The following KCNQ2 variants were observed in gnomAD, a reference collection of about 807,000 sequenced individuals.
KCNQ2 encodes potassium voltage-gated channel subfamily Q member 2, also known as potassium voltage-gated channel subfamily KQT member 2.
Under a neutral mutation model 84.8 loss-of-function variants are expected in KCNQ2, and 14 were observed. That is an observed-to-expected ratio of 0.17 (90% CI 0.11 to 0.26). KCNQ2 has a LOEUF of 0.26. Among genes scored for constraint, KCNQ2 ranks in the 10% least tolerant of loss-of-function variants. KCNQ2 has a pLI of 1.00. For synonymous variants in KCNQ2, 599 were observed against 554.1 expected, an observed-to-expected ratio of 1.08 and a Z score of -1.14; for missense variants, 788 against 1,254.0, an observed-to-expected ratio of 0.63 and a Z score of 5.61.
chr20:63,419,336 GCA>G (rs2145585913), intron 12 of KCNQ2, among the ~76,000 whole-genome samples: 1 of 152,330 alleles, frequency 6.6e-6, no homozygotes, highest in East Asian at 1.9e-4. Flanking sequence ...ACCCCAGGAG[GCA>G]CGGACGCCTT....
In KCNQ2 at chr20:63,438,813, C is replaced by A; in HGVS notation, c.928-93G>T. The A allele has an allele frequency of 1.1e-6, 1 of 947,514 alleles. No homozygotes were observed. Among genetic ancestry groups the A allele is most frequent in the Admixed American group, 1.9e-5 (1 of 52,534 alleles). 58.7% of individuals were successfully genotyped at this position (947,514 alleles called of 1,614,324 possible). On this transcript the variant is annotated intron_variant, in intron 6 of 16. Transcript: ENST00000359125. The surrounding 1 kb of genome is among the most constrained non-coding windows in gnomAD (Gnocchi z 5.1). ...ATGCTCTGGGGCCCCACACCCCCCC[C>A]AATTCATCAGGGTCAGACCACACTC...
At chr20:63,439,157 C>T (rs2081087232) in intron 6 of KCNQ2, among the ~76,000 whole-genome samples, 1 of 152,122 alleles carries the variant, frequency 6.6e-6, no homozygotes, top group African/African-American at 2.4e-5. Flanking sequence ...TTGCCGTGCA[C>T]CAGCTGCCCT....
chr20:63,428,134 G>A (rs1192633073), intron 10 of KCNQ2, among the ~76,000 whole-genome samples: 2 of 151,960 alleles, frequency 1.3e-5, no homozygotes, highest in African/African-American at 4.8e-5. Flanking sequence ...ATCAACCTTC[G>A]CCCCTCCCTC....
At chr20:63,439,799 G>T in intron 5 of KCNQ2, 91 bp from the exon 6 acceptor site, 1 of 958,720 alleles carries the variant, frequency 1.0e-6, no homozygotes, top group East Asian at 2.5e-5. Context: ...GGCTTGGGAT[G>T]GGACAGATGC....
intron 5 of KCNQ2, among the ~76,000 whole-genome samples, chr20:63,441,672 G>A (rs556766802): frequency 2.0e-5 from 3 of 152,164 alleles, no homozygotes; most frequent in Admixed American, 6.5e-5. Context: ...GTGAGTCCAG[G>A]TCATCTGTAT....
intron 11 of KCNQ2, among the ~76,000 whole-genome samples, chr20:63,420,048 A>C (rs560633235): frequency 7.2e-5 from 11 of 152,360 alleles, no homozygotes; most frequent in African/African-American, 2.2e-4. Context: ...GACCCCGGGA[A>C]AGGGCGTGGG....
rs2079984980 is a variant in KCNQ2, at chr20:63,407,476, G to A, written c.1888-101C>T. 2 of 1,298,208 alleles carry A rather than the reference G, an allele frequency of 1.5e-6. No individual in the cohort carries two copies. Among genetic ancestry groups the A allele is most frequent in the Non-Finnish European group, 2.1e-6 (2 of 938,364 alleles). 80.4% of individuals were successfully genotyped at this position (1,298,208 alleles called of 1,614,324 possible). On this transcript the variant is annotated intron_variant, in intron 16 of 16. Coordinates refer to ENST00000359125, the MANE Select transcript of KCNQ2 (RefSeq NM_172107.4). The surrounding 1 kb of genome is among the most constrained non-coding windows in gnomAD (Gnocchi z 7.2). Reference sequence around the variant, plus strand: ...ATGGGGGGGCCCAGGCTGGTTCCAGGAAACAGGAGAGACCCAGGCTAGTCC... The same window carrying A: ...ATGGGGGGGCCCAGGCTGGTTCCAGAAAACAGGAGAGACCCAGGCTAGTCC...
Position 63,439,579 on chromosome 20 carries a change from C to A in KCNQ2, c.927+19G>T. 1 of 1,574,294 alleles carries A rather than the reference C, an allele frequency of 6.4e-7. No individual in the cohort carries two copies. The highest frequency in any genetic ancestry group is 8.7e-7 in the Non-Finnish European group (1 of 1,144,510). ...AGACCTCGTCCCCCTCCAAGGCAGG[C>A]AGGGGCAGCTGGACTTACTGCAGGC... is the stretch of plus-strand genomic sequence containing the variant. On this transcript the variant is annotated intron_variant, in intron 6 of 16. Transcript: ENST00000359125.
chr20:63,409,749 G>T (rs990436659), intron 15 of KCNQ2, among the ~76,000 whole-genome samples: 5 of 151,200 alleles, frequency 3.3e-5, no homozygotes, highest in Non-Finnish European at 7.4e-5. Context: ...CTGATGGTGG[G>T]GGAGGGACTT....
intron 12 of KCNQ2, among the ~76,000 whole-genome samples, chr20:63,416,426 T>C (rs1043006716): frequency 1.6e-4 from 25 of 152,276 alleles, no homozygotes; most frequent in African/African-American, 5.3e-4. Context: ...CAGGCAGATG[T>C]GGCCTCCTGA....
intron 1 of KCNQ2, among the ~76,000 whole-genome samples, chr20:63,467,135 G>GT (rs1248355886): frequency 6.6e-6 from 1 of 151,690 alleles, no homozygotes; most frequent in East Asian, 1.9e-4. Flanking sequence ...CCAGCCTCCC[G>GT]TCAAACCTCA....
rs201701585 is a variant in KCNQ2, at chr20:63,407,198, T to G, written c.2065A>C (p.Ile689Leu). 1,752 of 1,606,336 alleles carry G rather than the reference T, an allele frequency of 1.1e-3. 30 individuals are homozygous for G. In the South Asian group the frequency reaches 0.014, roughly 13 times the overall value. The change falls in exon 17 of 17, where the codon ATC (isoleucine) becomes CTC (leucine). Residue 689 changes from isoleucine to leucine, a missense_variant. Ile to Leu is a conservative substitution (Grantham distance 5). Coordinates refer to ENST00000359125, the MANE Select transcript of KCNQ2 (RefSeq NM_172107.4). The surrounding 1 kb of genome is among the most constrained non-coding windows in gnomAD (Gnocchi z 7.2). ...HVDRHGCIVK[I>L]VRSSSSTGQK... ...CCCGTGGAGCTGCTGGAGCGCACGA[T>G]CTTGACAATGCAGCCGTGCCTGTCG...
At chr20:63,454,434 G>A (rs752117353) in intron 1 of KCNQ2, among the ~76,000 whole-genome samples, 4 of 152,244 alleles carry the variant, frequency 2.6e-5, no homozygotes, top group African/African-American at 7.2e-5. Flanking sequence ...CTTGGAGGAG[G>A]GAGGAGGCGG....
chr20:63,443,475 T>C (rs904135598), intron 4 of KCNQ2, among the ~76,000 whole-genome samples: 28 of 16,212 alleles, frequency 1.7e-3, no homozygotes, highest in Admixed American at 2.3e-3. Context: ...ATCACCACCA[T>C]CATCACCACC....
chr20:63,455,784 A>G (rs113039330), intron 1 of KCNQ2, among the ~76,000 whole-genome samples: 102 of 121,102 alleles, frequency 8.4e-4, no homozygotes, highest in East Asian at 1.7e-3. Context: ...CCTCCGGGAG[A>G]CCCCTGTGCT....
Position 63,406,566 on chromosome 20 carries a change from C to T in KCNQ2, c.*78G>A. On this transcript the variant is annotated 3_prime_UTR_variant, in exon 17 of 17. Coordinates refer to ENST00000359125, the MANE Select transcript of KCNQ2 (RefSeq NM_172107.4). ...CTCAGTTACTGTAAGAAAAGGGCCC[C>T]AGAGGGTTCCCGCCTCAAAACCTCG... 6.8e-7 allele frequency: 1 copy of T among 1,460,530 alleles called. No homozygotes were observed. Among genetic ancestry groups the T allele is most frequent in the South Asian group, 1.4e-5 (1 of 72,028 alleles). The allele number at this position is 1,460,530 out of a possible 1,614,324, so 90.5% of individuals were successfully genotyped here. A position where few individuals can be genotyped will look rare whatever the true frequency, so the allele number is the denominator to read the frequency against.
chr20:63,437,909 A>G (rs759102091), intron 7 of KCNQ2, among the ~76,000 whole-genome samples: 7 of 152,074 alleles, frequency 4.6e-5, no homozygotes, highest in Non-Finnish European at 1.0e-4. Context: ...TCCCTGGTTC[A>G]AGCGATTCTC....
At chr20:63,411,928 A>G in intron 15 of KCNQ2, 1 of 708,296 alleles carries the variant, frequency 1.4e-6, no homozygotes, top group South Asian at 1.5e-5. Flanking sequence ...ACGCATCGTA[A>G]AGCCACAGGA....
chr20:63,415,494 G>C (rs188365877), intron 12 of KCNQ2, among the ~76,000 whole-genome samples: 14,553 of 71,762 alleles, frequency 0.2, 1,335 homozygotes, highest in East Asian at 0.5. Context: ...GGGAGGCCAC[G>C]GGGACCGAGC....
Sources: gnomAD v4.1 joint callset for allele counts (sites outside exome capture counted in the v4.1 genomes callset) on GRCh38, gnomAD v4.1.1 for gene constraint, Gnocchi (gnomAD v3.1) non-coding constraint, MANE v1.5 for transcripts, NCBI Gene and HGNC (gene_info 2026-07-23, HGNC 2026-07-21) for gene names.